Variants in PPP2R1B observed in about 807,000 individuals in gnomAD.
PPP2R1B encodes protein phosphatase 2 scaffold subunit Abeta.
Under a neutral mutation model 72.7 loss-of-function variants are expected in PPP2R1B, and 58 were observed. The ratio of observed to expected loss-of-function variants is 0.80; its 90% CI spans 0.65 to 0.99. The LOEUF (loss-of-function observed/expected upper bound fraction) is 0.99. PPP2R1B is among the 50% of genes least tolerant of loss of function. PPP2R1B has a pLI of 0.00. For synonymous variants in PPP2R1B, 256 were observed against 264.6 expected, an observed-to-expected ratio of 0.97 and a Z score of 0.32; for missense variants, 695 against 733.6, an observed-to-expected ratio of 0.95 and a Z score of 0.61.
chr11:111,723,960 G>A (rs1383675901), downstream of PPP2R1B: 4 of 1,614,030 alleles, frequency 2.5e-6, no homozygotes, highest in East Asian at 8.9e-5. Context: ...CCTGTGGATG[G>A]AGCCCAGCAG....
downstream of PPP2R1B, among the ~76,000 whole-genome samples, chr11:111,734,707 TC>T (rs1401689679): frequency 2.6e-5 from 4 of 152,238 alleles, no homozygotes; most frequent in East Asian, 7.7e-4. Context: ...GACTCACATC[TC>T]CTGTAGTCTT....
At position 111,766,179 on chromosome 11, in the gene PPP2R1B, C is replaced by G. The variant is rs45546937; in HGVS notation, c.114+69G>C. The stretch of plus-strand genomic sequence containing the variant: ...TACCTCGGCCACCCCCACCGCGACG[C>G]AGGCCTTCCCCCTTCTCTACCACGC... On this transcript the variant is annotated intron_variant, in intron 1 of 14. Coordinates refer to ENST00000527614, the MANE Select transcript of PPP2R1B (RefSeq NM_002716.5). 7.8e-3 allele frequency: 11,743 copies of G among 1,511,188 alleles called. 87 individuals carry two copies. The highest frequency in any genetic ancestry group is 8.1e-3 in the Non-Finnish European group (8,849 of 1,091,990). The allele number at this position is 1,511,188 out of a possible 1,614,324, so 93.6% of individuals were successfully genotyped here.
rs1298622157 is a variant in PPP2R1B, at chr11:111,760,946, C to T, written c.412G>A (p.Ala138Thr). The change falls in exon 4 of 15, where the codon GCT becomes ACT. Residue 138 changes from alanine to threonine, a missense_variant. Transcript: ENST00000527614. ...CGTTTCACCAGAGGTACAAAATAAG[C>T]TTCCAGAGCAACAGGAGTATGCTCC... ...SQEHTPVALE[A>T]YFVPLVKRLA... 3 of 1,614,224 alleles carry T rather than the reference C, an allele frequency of 1.9e-6. No homozygotes were observed. Among genetic ancestry groups the T allele is most frequent in the Middle Eastern group, 1.6e-4 (1 of 6,062 alleles).
At chr11:111,756,103 G>A (rs910807537) in intron 5 of PPP2R1B, among the ~76,000 whole-genome samples, 2 of 151,924 alleles carry the variant, frequency 1.3e-5, no homozygotes, top group Non-Finnish European at 2.9e-5. Context: ...CCAGCTACTC[G>A]GGAGGCTGAG....
At chr11:111,725,445 T>C (rs1200323688), downstream of PPP2R1B, 1 of 152,442 alleles carries the variant, frequency 6.6e-6, no homozygotes, top group African/African-American at 2.4e-5. Flanking sequence ...AATTCAGTCA[T>C]CAAAGTAAGT....
chr11:111,693,060 G>T, the PPP2R1B span, among the ~76,000 whole-genome samples: 1 of 152,088 alleles, frequency 6.6e-6, no homozygotes, highest in African/African-American at 2.4e-5. Flanking sequence ...CAGGCCGGGC[G>T]CAGTGGCTCA....
the PPP2R1B span, among the ~76,000 whole-genome samples, chr11:111,714,021 G>A: frequency 3.3e-5 from 5 of 152,124 alleles, no homozygotes; most frequent in African/African-American, 7.2e-5. Context: ...AAATCAGAAC[G>A]AGGCAGGGGA....
chr11:111,724,267 A>G (rs557191726), downstream of PPP2R1B: 35 of 1,263,436 alleles, frequency 2.8e-5, no homozygotes, highest in African/African-American at 5.0e-4. Context: ...CTGGAATCAG[A>G]GGGTCTGGCT....
the PPP2R1B span, among the ~76,000 whole-genome samples, chr11:111,713,035 C>T: frequency 6.6e-6 from 1 of 152,096 alleles, no homozygotes; most frequent in Non-Finnish European, 1.5e-5. Flanking sequence ...CGTGGTGGTA[C>T]ACACCTGTAA....
chr11:111,761,371 A>C (rs570907524), intron 3 of PPP2R1B: 5 of 416,206 alleles, frequency 1.2e-5, no homozygotes, highest in Non-Finnish European at 1.8e-5. Context: ...AAAGATACAT[A>C]GCCAAATTCA....
the PPP2R1B span, chr11:111,712,240 G>C: frequency 4.3e-4 from 690 of 1,614,194 alleles, 4 homozygotes; most frequent in African/African-American, 8.2e-3. Flanking sequence ...CAGTGACCAT[G>C]CATTCACCGA....
At chr11:111,761,233 C>T in intron 3 of PPP2R1B, 182 bp from the exon 4 acceptor site, 1 of 700,800 alleles carries the variant, frequency 1.4e-6, no homozygotes, top group South Asian at 1.5e-5. Flanking sequence ...AACCCAAAGA[C>T]ACGACTTCTG....
Position 111,755,095 on chromosome 11 carries a change from C to G in PPP2R1B, c.844-1G>C. On this transcript the variant is annotated splice_acceptor_variant, in intron 6 of 14. Coordinates refer to ENST00000527614, the MANE Select transcript of PPP2R1B (RefSeq NM_002716.5). LOFTEE classifies it high-confidence loss of function. ...TTTTAGGACCCATGGCTTTCTGGAG[C>G]TATAAAAGAATTTGAACGGGTTTTA... The G allele has an allele frequency of 1.2e-6, 2 of 1,602,998 alleles. No homozygotes were observed. Among genetic ancestry groups the G allele is most frequent in the Non-Finnish European group, 1.7e-6 (2 of 1,172,604 alleles).
chr11:111,705,102 G>A, the PPP2R1B span: 11 of 1,604,246 alleles, frequency 6.9e-6, no homozygotes, highest in Admixed American at 1.4e-4. The surrounding 1 kb of genome is among the most constrained non-coding windows in gnomAD (Gnocchi z 4.3). Flanking sequence ...GGCCGCCAGC[G>A]TCGGCCTAGC....
intron 15 of PPP2R1B, chr11:111,727,093 A>AG (rs974154980): frequency 3.8e-6 from 6 of 1,581,500 alleles, no homozygotes; most frequent in Non-Finnish European, 4.3e-6. Flanking sequence ...CGACAGGAAG[A>AG]GGGGGCCCAC....
intron 10 of PPP2R1B, among the ~76,000 whole-genome samples, chr11:111,748,659 C>A (rs1187258885): frequency 6.6e-6 from 1 of 152,190 alleles, no homozygotes. Flanking sequence ...AGTCCTCTAA[C>A]CCCGGGGCTT....
At chr11:111,751,059 G>A (rs1322134613) in intron 10 of PPP2R1B, among the ~76,000 whole-genome samples, 1 of 152,094 alleles carries the variant, frequency 6.6e-6, no homozygotes, top group East Asian at 1.9e-4. Flanking sequence ...GGCTGGTCTG[G>A]AACTCCTAGC....
chr11:111,761,256 G>A, intron 3 of PPP2R1B: 1 of 677,904 alleles, frequency 1.5e-6, no homozygotes, highest in Non-Finnish European at 2.7e-6. Flanking sequence ...GAAAAGCCAA[G>A]ATCTCGTGTC....
chr11:111,702,299 TGTCA>T, the PPP2R1B span, among the ~76,000 whole-genome samples: 1 of 152,216 alleles, frequency 6.6e-6, no homozygotes, highest in Non-Finnish European at 1.5e-5. Flanking sequence ...TAAATTAATC[TGTCA>T]GTCAGGTGCA....
Sources: allele counts gnomAD v4.1 joint callset (sites outside exome capture counted in the v4.1 genomes callset), GRCh38; gene constraint gnomAD v4.1.1; non-coding constraint Gnocchi (gnomAD v3.1); transcripts MANE v1.5; gene names NCBI Gene and HGNC (gene_info 2026-07-23, HGNC 2026-07-21).